The following ARHGAP22 variants were observed in gnomAD, a reference collection of about 807,000 sequenced individuals.
ARHGAP22 encodes rho GTPase-activating protein 22.
ARHGAP22 carries 48 observed loss-of-function variants against 59.1 expected under a neutral mutation model. The observed-to-expected ratio is 0.81, with a 90% CI of 0.64 to 1.03. The LOEUF (loss-of-function observed/expected upper bound fraction) is 1.03. Ranked by LOEUF, ARHGAP22 falls within the 50% of genes least tolerant of loss-of-function variation. The probability of loss-of-function intolerance (pLI) is 0.00; values close to 1 mark genes in which losing one functional copy is unlikely to be tolerated. For synonymous variants in ARHGAP22, 445 were observed against 416.4 expected, an observed-to-expected ratio of 1.07 and a Z score of -0.84; for missense variants, 1,015 against 958.7, an observed-to-expected ratio of 1.06 and a Z score of -0.78.
chr10:48,572,681 A>G (rs1007176307), intron 2 of ARHGAP22, among the ~76,000 whole-genome samples: 9 of 152,188 alleles, frequency 5.9e-5, no homozygotes, highest in African/African-American at 2.2e-4. Context: ...TTCCTGCCTT[A>G]CCATCCATTC....
At chr10:48,443,935 T>TAAGA (rs2045263848), downstream of ARHGAP22, 1 of 152,248 alleles carries the variant, frequency 6.6e-6, no homozygotes. Context: ...TCTTTTAACA[T>TAAGA]AAGACAACTC....
chr10:48,532,540 G>A (rs887755103), intron 3 of ARHGAP22: 2 of 151,902 alleles, frequency 1.3e-5, no homozygotes, highest in Non-Finnish European at 2.9e-5. Context: ...ACAACATGCA[G>A]GTTTGTTACG....
the ARHGAP22 span, chr10:48,438,921 A>G: frequency 6.6e-6 from 1 of 152,250 alleles, no homozygotes; most frequent in Non-Finnish European, 1.5e-5. Flanking sequence ...AAATTTTACG[A>G]AGAAATAAAT....
At chr10:48,589,525 A>G (rs1160824058) in intron 1 of ARHGAP22, among the ~76,000 whole-genome samples, 1 of 152,116 alleles carries the variant, frequency 6.6e-6, no homozygotes, top group Non-Finnish European at 1.5e-5. Context: ...ATCTGGGCCT[A>G]TGTCCAAATT....
chr10:48,437,162 AAAC>A, the ARHGAP22 span: 1 of 152,248 alleles, frequency 6.6e-6, no homozygotes, highest in African/African-American at 2.4e-5. Flanking sequence ...AATTCAAAGA[AAAC>A]AAACTCTCAT....
chr10:48,594,358 G>A (rs2059940232), intron 1 of ARHGAP22, among the ~76,000 whole-genome samples: 1 of 152,218 alleles, frequency 6.6e-6, no homozygotes, highest in Non-Finnish European at 1.5e-5. Flanking sequence ...TGGGACTCCA[G>A]CCTGCCTCCT....
chr10:48,474,802 A>G (rs1197889692), intron 4 of ARHGAP22, among the ~76,000 whole-genome samples: 1 of 152,242 alleles, frequency 6.6e-6, no homozygotes, highest in Non-Finnish European at 1.5e-5. Context: ...CTTAGAGACG[A>G]TAAATCTCAT....
chr10:48,596,377 A>G (rs2060067930), intron 1 of ARHGAP22, among the ~76,000 whole-genome samples: 1 of 152,104 alleles, frequency 6.6e-6, no homozygotes, highest in Non-Finnish European at 1.5e-5. Context: ...TCTTGCTGTC[A>G]TCTATAAAGG....
At chr10:48,561,465 T>G (rs1397859340) in intron 2 of ARHGAP22, among the ~76,000 whole-genome samples, 1 of 152,110 alleles carries the variant, frequency 6.6e-6, no homozygotes, top group Non-Finnish European at 1.5e-5. Flanking sequence ...CATCAGAAGC[T>G]TGACTCAAAA....
chr10:48,523,505 C>T (rs2054008139), intron 3 of ARHGAP22, among the ~76,000 whole-genome samples: 1 of 152,252 alleles, frequency 6.6e-6, no homozygotes, highest in South Asian at 2.1e-4. Flanking sequence ...CTGCATTCCT[C>T]AAGCAGCTCT....
At chr10:48,654,770 A>ATTTCTTTC (rs1345811939), upstream of ARHGAP22, among the ~76,000 whole-genome samples, 82 of 138,410 alleles carry the variant, frequency 5.9e-4, no homozygotes, top group South Asian at 1.2e-3. Flanking sequence ...GGACATGCTG[A>ATTTCTTTC]TTACTTTCTT....
chr10:48,476,198 T>C (rs1485280659), intron 4 of ARHGAP22, among the ~76,000 whole-genome samples: 2 of 152,224 alleles, frequency 1.3e-5, no homozygotes, highest in African/African-American at 4.8e-5. Flanking sequence ...TGCGAGTCCA[T>C]TGCAGGTTGG....
chr10:48,515,704 A>G (rs2053220187), intron 3 of ARHGAP22, among the ~76,000 whole-genome samples: 1 of 152,246 alleles, frequency 6.6e-6, no homozygotes, highest in Non-Finnish European at 1.5e-5. Context: ...TAAAGGATTA[A>G]CCAAAACAAA....
chr10:48,633,782 G>A lies in ARHGAP22; in HGVS notation c.52+18452C>T, dbSNP rs567819529. 2.0e-5 allele frequency among the ~76,000 whole-genome samples: 3 copies of A among 152,230 alleles called. No homozygotes were observed. The East Asian group carries it at 5.8e-4, about 29-fold the overall frequency. ...CCCTGTTGACATCCATCTGCAGAAGGAGATGGGCAGGTTAATAGAGACAGG... is the reference window on the plus strand; with the variant it reads ...CCCTGTTGACATCCATCTGCAGAAGAAGATGGGCAGGTTAATAGAGACAGG... On this transcript the variant is annotated intron_variant, in intron 1 of 9. Transcript: ENST00000435790.
intron 4 of ARHGAP22, among the ~76,000 whole-genome samples, chr10:48,466,284 C>CT (rs2047670599): frequency 1.3e-5 from 2 of 151,286 alleles, no homozygotes; most frequent in African/African-American, 4.9e-5. Context: ...CCCCCAGACT[C>CT]TAAGTCCTCG....
intron 2 of ARHGAP22, among the ~76,000 whole-genome samples, chr10:48,565,019 T>A (rs2057959087): frequency 6.6e-6 from 1 of 152,244 alleles, no homozygotes; most frequent in African/African-American, 2.4e-5. Flanking sequence ...TGATTTCTAC[T>A]GACATGTCTC....
chr10:48,513,746 C>G (rs1341318172), intron 3 of ARHGAP22, among the ~76,000 whole-genome samples: 8 of 151,724 alleles, frequency 5.3e-5, no homozygotes, highest in Non-Finnish European at 1.2e-4. Context: ...TGTAAGATAC[C>G]CAAGAAAAAT....
intron 3 of ARHGAP22, among the ~76,000 whole-genome samples, chr10:48,525,865 T>A (rs1186568862): frequency 2.6e-5 from 4 of 152,202 alleles, no homozygotes. Flanking sequence ...GTCAAGAGAC[T>A]TTGGCTTTTT....
chr10:48,453,028 C>T lies in ARHGAP22; in HGVS notation c.988+276G>A, dbSNP rs1346895392. On this transcript the variant is annotated intron_variant, in intron 8 of 9. Transcript: ENST00000249601. Reference sequence around the variant, plus strand: ...TCCCATCCCTCCAGCCTCTTCCATCCACAGAAACCCCTGGCTATTCTAATT... The same window carrying T: ...TCCCATCCCTCCAGCCTCTTCCATCTACAGAAACCCCTGGCTATTCTAATT... Among the ~76,000 whole-genome samples the T allele has an allele frequency of 2.0e-5, 3 of 152,212 alleles. No homozygotes were observed. The East Asian group carries it at 5.8e-4, about 29-fold the overall frequency.
Sources: gnomAD v4.1 joint callset for allele counts (sites outside exome capture counted in the v4.1 genomes callset) on GRCh38, gnomAD v4.1.1 for gene constraint, MANE v1.5 for transcripts, NCBI Gene and HGNC (gene_info 2026-07-23, HGNC 2026-07-21) for gene names.